The following FGF13 variants were observed in gnomAD, a reference collection of about 807,000 sequenced individuals.
FGF13 encodes fibroblast growth factor 13.
Under a neutral mutation model 19.5 loss-of-function variants are expected in FGF13, and 2 were observed. That is an observed-to-expected ratio of 0.10 (90% CI 0.04 to 0.32). The LOEUF (loss-of-function observed/expected upper bound fraction) is 0.32. FGF13 is among the 10% of genes least tolerant of loss of function. The probability of loss-of-function intolerance (pLI) is 1.00; values close to 1 mark genes in which losing one functional copy is unlikely to be tolerated. For missense variants in FGF13, 113 were observed against 192.7 expected, an observed-to-expected ratio of 0.59 and a Z score of 2.45; for synonymous variants, 72 against 76.9, an observed-to-expected ratio of 0.94 and a Z score of 0.33.
rs187467139 is a variant in FGF13 at position 138,835,407 on chromosome X, C to T, written c.217+22105G>A. 3.6e-3 allele frequency among the ~76,000 whole-genome samples: 402 copies of T among 111,557 alleles called. 4 individuals carry two copies. Among genetic ancestry groups the T allele is most frequent in the Admixed American group, 0.03 (312 of 10,550 alleles). On this transcript the variant is annotated intron_variant, in intron 3 of 6. Transcript: ENST00000436198. The stretch of plus-strand genomic sequence containing the variant: ...CTGAACCCTTTACCATTATGCGATG[C>T]GGATTTTTGTTTTGTTTTGTTTTTT...
chrX:138,924,746 A>G (rs2124248889), intron 1 of FGF13, among the ~76,000 whole-genome samples: 1 of 109,883 alleles, frequency 9.1e-6, no homozygotes, highest in South Asian at 4.1e-4. Flanking sequence ...ACTGCCACAC[A>G]GTAAGCAGAA....
chrX:138,733,036 A>G (rs1407871278), intron 1 of FGF13, among the ~76,000 whole-genome samples: 1 of 111,936 alleles, frequency 8.9e-6, no homozygotes, highest in Non-Finnish European at 1.9e-5. Flanking sequence ...AGCCCAGAAT[A>G]CAGAATTTTC....
At chrX:138,776,276 A>C (rs56149995) in intron 3 of FGF13, among the ~76,000 whole-genome samples, 2 of 112,738 alleles carry the variant, frequency 1.8e-5, no homozygotes, top group Admixed American at 1.9e-4. Flanking sequence ...AATACTTTTG[A>C]AAATCATAGT....
At chrX:139,067,827 G>A (rs2092362113) in intron 1 of FGF13, among the ~76,000 whole-genome samples, 1 of 110,750 alleles carries the variant, frequency 9.0e-6, no homozygotes, top group African/African-American at 3.3e-5. Flanking sequence ...CTTTTTGATG[G>A]GGTTGTTTGT....
intron 3 of FGF13, among the ~76,000 whole-genome samples, chrX:138,661,004 T>C (rs1394585272): frequency 9.0e-6 from 1 of 111,593 alleles, no homozygotes; most frequent in Non-Finnish European, 1.9e-5. Context: ...AGAAACACAT[T>C]TGAGGAAGTC....
intron 4 of FGF13, among the ~76,000 whole-genome samples, chrX:138,633,887 G>C (rs1048252871): frequency 4.5e-5 from 5 of 111,717 alleles, no homozygotes; most frequent in Non-Finnish European, 7.5e-5. Flanking sequence ...GTAAAACACA[G>C]TGCTGTGCTT....
intron 3 of FGF13, among the ~76,000 whole-genome samples, chrX:138,644,332 C>T (rs1261442763): frequency 6.3e-5 from 7 of 110,481 alleles, no homozygotes; most frequent in Non-Finnish European, 1.3e-4. Flanking sequence ...GGCTGGAGTA[C>T]AATGGCATGA....
At chrX:139,157,825 G>T (rs756732794) in intron 1 of FGF13, among the ~76,000 whole-genome samples, 1 of 112,526 alleles carries the variant, frequency 8.9e-6, no homozygotes, top group Non-Finnish European at 1.9e-5. Flanking sequence ...CGGGGTGGCC[G>T]AATAGGAACA....
intron 1 of FGF13, among the ~76,000 whole-genome samples, chrX:139,163,456 G>A (rs1264986189): frequency 9.0e-6 from 1 of 110,883 alleles, no homozygotes; most frequent in Non-Finnish European, 1.9e-5. Context: ...ACAGGTTGAT[G>A]GGTGCAGCAA....
intron 3 of FGF13, among the ~76,000 whole-genome samples, chrX:138,820,314 C>T (rs1186864100): frequency 1.8e-5 from 2 of 111,676 alleles, no homozygotes; most frequent in African/African-American, 6.5e-5. Context: ...ATCTATTGTT[C>T]GATTCCACAA....
intron 1 of FGF13, among the ~76,000 whole-genome samples, chrX:138,955,967 C>G (rs1005553836): frequency 8.9e-6 from 1 of 111,979 alleles, no homozygotes; most frequent in Non-Finnish European, 1.9e-5. Context: ...CTAGGCTTGG[C>G]TCGCCCATAG....
chrX:138,958,152 G>A (rs2091850324), intron 1 of FGF13, among the ~76,000 whole-genome samples: 1 of 111,756 alleles, frequency 8.9e-6, no homozygotes, highest in Non-Finnish European at 1.9e-5. Context: ...GTATGATATT[G>A]GCTGTGGGTT....
chrX:138,836,107 C>T (rs2091111144), intron 3 of FGF13, among the ~76,000 whole-genome samples: 1 of 111,060 alleles, frequency 9.0e-6, no homozygotes, highest in African/African-American at 3.3e-5. Context: ...TCTCTAGCTG[C>T]CTGTAACATT....
Position 138,991,608 on chromosome X carries a change from G to A in FGF13, c.-112-126958C>T, listed in dbSNP as rs2092015787. 2.7e-5 allele frequency among the ~76,000 whole-genome samples: 3 copies of A among 112,204 alleles called. No individual in the cohort carries two copies. The Admixed American group carries it at 2.8e-4, about 11-fold the overall frequency. On this transcript the variant is annotated intron_variant, in intron 1 of 2. Coordinates refer to the FGF13 transcript ENST00000421460. ...AGATCTCTGAATCAGGTGGAGAGTA[G>A]GAGGGAAGCAGAAATAGTTTCAGTA...
chrX:138,980,351 T>C (rs2091958334), intron 1 of FGF13, among the ~76,000 whole-genome samples: 1 of 111,749 alleles, frequency 8.9e-6, no homozygotes, highest in Non-Finnish European at 1.9e-5. Context: ...CAAATCTCCT[T>C]GAAACATGTA....
At chrX:139,200,637 T>C (rs1461688539) in intron 1 of FGF13, among the ~76,000 whole-genome samples, 2 of 112,433 alleles carry the variant, frequency 1.8e-5, no homozygotes, top group African/African-American at 3.2e-5. Context: ...ATATGGTGGC[T>C]GTTAAGCTAA....
chrX:138,886,611 A>G (rs925397993), intron 1 of FGF13, among the ~76,000 whole-genome samples: 1 of 112,024 alleles, frequency 8.9e-6, no homozygotes. Flanking sequence ...TTTCTCAGCT[A>G]TAAAATGTGA....
intron 3 of FGF13, among the ~76,000 whole-genome samples, chrX:138,682,033 G>A (rs368199125): frequency 8.0e-5 from 9 of 112,455 alleles, no homozygotes; most frequent in Middle Eastern, 4.6e-3. Flanking sequence ...CATAAAGTGA[G>A]CACATGCTGT....
chrX:138,862,139 A>T (rs913975873), intron 2 of FGF13, among the ~76,000 whole-genome samples: 1 of 112,351 alleles, frequency 8.9e-6, no homozygotes, highest in Non-Finnish European at 1.9e-5. Flanking sequence ...TTATTCAAAG[A>T]CAGAAAAGCA....
Sources: allele counts gnomAD v4.1 joint callset (sites outside exome capture counted in the v4.1 genomes callset), GRCh38; gene constraint gnomAD v4.1.1; transcripts MANE v1.5; gene names NCBI Gene and HGNC (gene_info 2026-07-23, HGNC 2026-07-21).